NCK2: variants seen among roughly 807,000 people sequenced by gnomAD.
NCK2 encodes the protein NCK adaptor protein 2, also known as cytoplasmic protein NCK2.
A neutral mutation model predicts 33.9 loss-of-function variants in NCK2; 16 were observed. The ratio of observed to expected loss-of-function variants is 0.47; its 90% CI spans 0.32 to 0.72. The LOEUF is 0.72. Among genes scored for constraint, NCK2 ranks in the 30% least tolerant of loss-of-function variants. The pLI, the probability that NCK2 is intolerant of heterozygous loss-of-function variation, is 0.03. For synonymous variants in NCK2, 273 were observed against 239.9 expected, an observed-to-expected ratio of 1.14 and a Z score of -1.27; for missense variants, 418 against 537.3, an observed-to-expected ratio of 0.78 and a Z score of 2.19.
intron 2 of NCK2, among the ~76,000 whole-genome samples, chr2:105,833,302 G>A (rs988502848): frequency 6.6e-6 from 1 of 152,148 alleles, no homozygotes. Flanking sequence ...TCACCTTGTT[G>A]GCCAGGCTGA....
At chr2:105,890,784 G>C (rs574918932) in intron 4 of NCK2, among the ~76,000 whole-genome samples, 2 of 152,338 alleles carry the variant, frequency 1.3e-5, no homozygotes, top group Admixed American at 1.3e-4. Context: ...TAGAAATGGA[G>C]TGATTCCTTG....
Position 105,881,593 on chromosome 2 carries a change from C to T in NCK2, c.492C>T (p.Tyr164=), listed in dbSNP as rs760710223. Reference sequence around the variant, plus strand: ...AGATCGGCTGGTTCCCCTCCAACTACGTCTTGGAGGAGGTGGACGAGGCGG... The same window carrying T: ...AGATCGGCTGGTTCCCCTCCAACTATGTCTTGGAGGAGGTGGACGAGGCGG... ...NGQIGWFPSN[Y]VLEEVDEAAA... The change falls in exon 4 of 5, where the codon TAC becomes TAT. Residue 164 remains tyrosine (Y), a synonymous_variant. Coordinates refer to ENST00000233154, the MANE Select transcript of NCK2 (RefSeq NM_003581.5). The T allele has an allele frequency of 2.3e-5, 37 of 1,613,708 alleles. No homozygotes were observed. The highest frequency in any genetic ancestry group is 1.6e-4 in the South Asian group (15 of 91,086).
intron 4 of NCK2, among the ~76,000 whole-genome samples, chr2:105,887,904 T>G (rs1678783868): frequency 6.6e-6 from 1 of 152,188 alleles, no homozygotes; most frequent in Non-Finnish European, 1.5e-5. Flanking sequence ...AAGTACCCAC[T>G]TATCGCGAGC....
intron 2 of NCK2, among the ~76,000 whole-genome samples, chr2:105,824,744 A>G (rs920763014): frequency 6.6e-6 from 1 of 152,118 alleles, no homozygotes; most frequent in Non-Finnish European, 1.5e-5. Flanking sequence ...TGGCAGTGAC[A>G]TGGAGGGAGA....
At chr2:105,812,544 C>A (rs549785727) in intron 1 of NCK2, among the ~76,000 whole-genome samples, 2 of 152,208 alleles carry the variant, frequency 1.3e-5, no homozygotes, top group African/African-American at 4.8e-5. Context: ...ACGGGAGATC[C>A]ACTTGCAGGC....
chr2:105,752,275 A>G (rs1237700428), intron 1 of NCK2, among the ~76,000 whole-genome samples: 2 of 152,206 alleles, frequency 1.3e-5, no homozygotes, highest in Non-Finnish European at 2.9e-5. Context: ...TATAATGGTC[A>G]TTATTATTAT....
intron 1 of NCK2, among the ~76,000 whole-genome samples, chr2:105,763,419 A>T (rs1443599474): frequency 6.6e-6 from 1 of 152,228 alleles, no homozygotes; most frequent in Admixed American, 6.5e-5. Context: ...TGCAGTAACG[A>T]CAAAACATGC....
intron 1 of NCK2, among the ~76,000 whole-genome samples, chr2:105,772,328 C>T (rs1690160582): frequency 6.6e-6 from 1 of 152,128 alleles, no homozygotes. Context: ...GAATAAACAG[C>T]ACTAAGCATC....
chr2:105,762,471 G>T (rs1325592149), intron 1 of NCK2, among the ~76,000 whole-genome samples: 1 of 152,214 alleles, frequency 6.6e-6, no homozygotes, highest in Non-Finnish European at 1.5e-5. Flanking sequence ...TCATGTCCCA[G>T]GGTCTTGACG....
rs2104603735 is a variant in NCK2, at chr2:105,861,934, TCC to T, written c.226+6646_226+6647del. On this transcript the variant is annotated intron_variant, in intron 3 of 4. Transcript: ENST00000233154. ...CTCCCTCCCTCCCTCCCTCCCTCCC[TCC>T]TGCCCGCTCCCCCCTTCCCTTTCTT... 5.2e-5 allele frequency among the ~76,000 whole-genome samples: 3 copies of T among 58,250 alleles called. No individual in the cohort carries two copies. The South Asian group carries it at 1.8e-3, about 36-fold the overall frequency. The allele number at this position is 58,250 out of a possible 152,430, so 38.2% of individuals were successfully genotyped here. A position where few individuals can be genotyped will look rare whatever the true frequency, so the allele number is the denominator to read the frequency against.
rs191293180 is a variant in NCK2 at position 105,786,163 on chromosome 2, C to T, written c.-200-30267C>T. Among the ~76,000 whole-genome samples the T allele has an allele frequency of 2.8e-4, 42 of 152,304 alleles. 1 individual carries two copies. Among genetic ancestry groups the T allele is most frequent in the Admixed American group, 1.3e-3 (20 of 15,308 alleles). On this transcript the variant is annotated intron_variant, in intron 1 of 4. Transcript: ENST00000233154. ...GTTGTGTCTAGGGCAGCATGATTAG[C>T]GTTGTGGACTGAACAATAAATTACA...
chr2:105,822,655 G>GAA (rs971296906), intron 2 of NCK2, among the ~76,000 whole-genome samples: 2 of 151,944 alleles, frequency 1.3e-5, no homozygotes, highest in Non-Finnish European at 2.9e-5. Flanking sequence ...TTCCTAGAAA[G>GAA]CTGAAGAAAC....
intron 1 of NCK2, among the ~76,000 whole-genome samples, chr2:105,777,973 A>T (rs1690368088): frequency 6.6e-6 from 1 of 152,146 alleles, no homozygotes; most frequent in Admixed American, 6.5e-5. Flanking sequence ...CTTTTGTTTG[A>T]GACCTGGACT....
intron 2 of NCK2, among the ~76,000 whole-genome samples, chr2:105,837,299 A>T (rs777644675): frequency 6.6e-6 from 1 of 152,188 alleles, no homozygotes; most frequent in Non-Finnish European, 1.5e-5. Flanking sequence ...CCACATATGT[A>T]AGTCTAAACT....
chr2:105,819,471 C>G (rs1675641890), intron 2 of NCK2, among the ~76,000 whole-genome samples: 1 of 152,080 alleles, frequency 6.6e-6, no homozygotes, highest in East Asian at 1.9e-4. Flanking sequence ...ATCATCAGAA[C>G]TCATTAATAA....
At chr2:105,795,093 C>CA (rs1159038479) in intron 1 of NCK2, among the ~76,000 whole-genome samples, 3 of 152,194 alleles carry the variant, frequency 2.0e-5, no homozygotes, top group African/African-American at 7.2e-5. Context: ...CCAGTTCCCC[C>CA]ACATGAACTA....
chr2:105,889,988 T>C (rs1018992150), intron 4 of NCK2, among the ~76,000 whole-genome samples: 1 of 152,178 alleles, frequency 6.6e-6, no homozygotes, highest in African/African-American at 2.4e-5. Flanking sequence ...CACACTTCAC[T>C]TAGAGGTGTT....
chr2:105,872,091 A>C (rs921739546), intron 3 of NCK2, among the ~76,000 whole-genome samples: 1 of 152,202 alleles, frequency 6.6e-6, no homozygotes. Flanking sequence ...TAATGGTGAG[A>C]TTATTTTCTG....
chr2:105,893,049 A>G lies in NCK2; in HGVS notation c.1016A>G (p.Asp339Gly). The part of the protein sequence containing the change: ...KNKHFKVQLV[D>G]NVYCIGQRRF... ...AAACACTTCAAGGTGCAGCTCGTGG[A>G]CAATGTCTACTGCATTGGGCAGCGG... is the stretch of plus-strand genomic sequence containing the variant. The change falls in exon 5 of 5, where the codon GAC becomes GGC. Residue 339 changes from aspartate (D) to glycine (G), a missense_variant. Coordinates refer to ENST00000233154, the MANE Select transcript of NCK2 (RefSeq NM_003581.5). 2 of 1,614,170 alleles carry G rather than the reference A, an allele frequency of 1.2e-6. No homozygotes were observed. The highest frequency in any genetic ancestry group is 1.7e-6 in the Non-Finnish European group (2 of 1,180,030).
Sources: gnomAD v4.1 joint callset for allele counts (sites outside exome capture counted in the v4.1 genomes callset) on GRCh38, gnomAD v4.1.1 for gene constraint, MANE v1.5 for transcripts, NCBI Gene and HGNC (gene_info 2026-07-23, HGNC 2026-07-21) for gene names.